Variants in TRABD2B observed in about 807,000 individuals in gnomAD.
TRABD2B encodes the protein metalloprotease TIKI2.
TRABD2B carries 14 observed loss-of-function variants against 40.1 expected under a neutral mutation model. The ratio of observed to expected loss-of-function variants is 0.35; its 90% CI spans 0.23 to 0.55. TRABD2B has a LOEUF of 0.55. TRABD2B is among the 20% of genes least tolerant of loss of function. TRABD2B has a pLI of 0.90. For synonymous variants in TRABD2B, 263 were observed against 277.0 expected, an observed-to-expected ratio of 0.95 and a Z score of 0.50; for missense variants, 541 against 648.6, an observed-to-expected ratio of 0.83 and a Z score of 1.80.
chr1:47,767,785 C>T (rs1295171755), intron 6 of TRABD2B, among the ~76,000 whole-genome samples: 1 of 152,212 alleles, frequency 6.6e-6, no homozygotes, highest in African/African-American at 2.4e-5. Flanking sequence ...CACTGCTTGC[C>T]CCACCTCGAC....
intron 2 of TRABD2B, among the ~76,000 whole-genome samples, chr1:47,845,122 T>C (rs1372245724): frequency 1.3e-5 from 2 of 152,160 alleles, no homozygotes; most frequent in Non-Finnish European, 2.9e-5. Context: ...GTGACCAGCT[T>C]TGGCCCCTGT....
intron 2 of TRABD2B, among the ~76,000 whole-genome samples, chr1:47,965,510 C>T (rs975973630): frequency 6.6e-6 from 1 of 152,098 alleles, no homozygotes; most frequent in Non-Finnish European, 1.5e-5. Flanking sequence ...CTGACTGCCC[C>T]TTCCCTCCCC....
intron 4 of TRABD2B, among the ~76,000 whole-genome samples, chr1:47,791,317 C>T (rs971988020): frequency 6.6e-6 from 1 of 152,234 alleles, no homozygotes; most frequent in Admixed American, 6.5e-5. Flanking sequence ...GAGCCCCCAG[C>T]AGGGGCTTGG....
Position 47,853,870 on chromosome 1 carries a change from T to A in TRABD2B, c.667-52251A>T, listed in dbSNP as rs150716049. On this transcript the variant is annotated intron_variant, in intron 2 of 6. Coordinates refer to ENST00000606738, the MANE Select transcript of TRABD2B (RefSeq NM_001194986.2). ...ATTATTCTCCAAGTCGTAGCTAGAG[T>A]GGACTTTCTAAACCACAAATATGAT... Among the ~76,000 whole-genome samples, 130 of 152,270 alleles carry A rather than the reference T, an allele frequency of 8.5e-4. 1 individual carries two copies. Among genetic ancestry groups the A allele is most frequent in the African/African-American group, 3.0e-3 (125 of 41,550 alleles).
intron 2 of TRABD2B, among the ~76,000 whole-genome samples, chr1:47,891,692 C>G (rs972996945): frequency 1.3e-5 from 2 of 152,008 alleles, no homozygotes; most frequent in African/African-American, 4.8e-5. Context: ...GTCCCAGCAA[C>G]TTGGGAGACA....
intron 2 of TRABD2B, among the ~76,000 whole-genome samples, chr1:47,821,875 T>C (rs1275528581): frequency 6.6e-6 from 1 of 151,994 alleles, no homozygotes; most frequent in African/African-American, 2.4e-5. Flanking sequence ...GATGCAGACA[T>C]TTGAGGAAAA....
At chr1:47,964,387 G>A (rs1645567171) in intron 2 of TRABD2B, among the ~76,000 whole-genome samples, 1 of 152,142 alleles carries the variant, frequency 6.6e-6, no homozygotes, top group South Asian at 2.1e-4. Flanking sequence ...TGAGGAAGGA[G>A]CACAAACTTC....
intron 2 of TRABD2B, among the ~76,000 whole-genome samples, chr1:47,801,860 C>T (rs1057377360): frequency 4.4e-4 from 67 of 152,364 alleles, no homozygotes; most frequent in Admixed American, 3.0e-3. Flanking sequence ...CATTCCTGCT[C>T]TGGGTCTCAA....
At chr1:47,921,257 A>G (rs567228928) in intron 2 of TRABD2B, among the ~76,000 whole-genome samples, 1 of 152,336 alleles carries the variant, frequency 6.6e-6, no homozygotes, top group Admixed American at 6.5e-5. Flanking sequence ...GTGAATTTCC[A>G]GAAGTGGAGA....
At chr1:47,786,702 G>T (rs1023918135) in intron 4 of TRABD2B, among the ~76,000 whole-genome samples, 2 of 152,048 alleles carry the variant, frequency 1.3e-5, no homozygotes, top group African/African-American at 4.8e-5. Context: ...ATTTTTGTTT[G>T]TTCATTTGTT....
At chr1:47,957,490 T>G (rs1645441643) in intron 2 of TRABD2B, among the ~76,000 whole-genome samples, 1 of 152,100 alleles carries the variant, frequency 6.6e-6, no homozygotes, top group Admixed American at 6.5e-5. Flanking sequence ...AATGGCTAAC[T>G]AGAATAAACA....
chr1:47,950,456 G>A (rs935919629), intron 2 of TRABD2B, among the ~76,000 whole-genome samples: 7 of 152,130 alleles, frequency 4.6e-5, no homozygotes, highest in Non-Finnish European at 1.0e-4. Context: ...AAAGGCCCAA[G>A]ACAGAAATGA....
At chr1:47,924,229 T>G (rs1644942425) in intron 2 of TRABD2B, among the ~76,000 whole-genome samples, 1 of 152,190 alleles carries the variant, frequency 6.6e-6, no homozygotes, top group African/African-American at 2.4e-5. Context: ...GGCTCAAGCA[T>G]CTTGGCTGCT....
intron 2 of TRABD2B, among the ~76,000 whole-genome samples, chr1:47,863,096 G>A (rs1478927902): frequency 1.3e-5 from 2 of 151,748 alleles, no homozygotes; most frequent in East Asian, 1.9e-4. Context: ...TGTAAAACAC[G>A]AAACTATGAA....
chr1:47,843,031 G>A (rs563318195), intron 2 of TRABD2B, among the ~76,000 whole-genome samples: 11 of 152,250 alleles, frequency 7.2e-5, no homozygotes, highest in African/African-American at 2.6e-4. Flanking sequence ...CATGGCAGCT[G>A]CCCGAAGGAC....
At chr1:47,872,174 C>A (rs1644151547) in intron 2 of TRABD2B, among the ~76,000 whole-genome samples, 1 of 152,170 alleles carries the variant, frequency 6.6e-6, no homozygotes, top group South Asian at 2.1e-4. Flanking sequence ...GACCCTATGT[C>A]TGTGGGCTCA....
intron 2 of TRABD2B, among the ~76,000 whole-genome samples, chr1:47,839,777 C>T (rs140836141): frequency 6.6e-6 from 1 of 152,274 alleles, no homozygotes; most frequent in East Asian, 1.9e-4. Context: ...GGGAGGGCAA[C>T]CGCTTAACTC....
intron 2 of TRABD2B, chr1:47,817,934 A>T (rs1361507807): frequency 6.6e-6 from 1 of 152,460 alleles, no homozygotes; most frequent in East Asian, 1.9e-4. Flanking sequence ...CCCCACAAAC[A>T]TAATTGAACG....
intron 2 of TRABD2B, among the ~76,000 whole-genome samples, chr1:47,979,800 C>G (rs1304126508): frequency 6.6e-6 from 1 of 152,192 alleles, no homozygotes; most frequent in Non-Finnish European, 1.5e-5. Flanking sequence ...CTACTCTGGT[C>G]TCATTCAGTC....
Sources: allele counts gnomAD v4.1 joint callset (sites outside exome capture counted in the v4.1 genomes callset), GRCh38; gene constraint gnomAD v4.1.1; transcripts MANE v1.5; gene names NCBI Gene and HGNC (gene_info 2026-07-23, HGNC 2026-07-21).